CDH23: variants seen among roughly 807,000 people sequenced by gnomAD.
The protein encoded by CDH23 is cadherin related 23, also known as cadherin-23.
CDH23 carries 189 observed loss-of-function variants against 317.1 expected under a neutral mutation model. The ratio of observed to expected loss-of-function variants is 0.60; its 90% CI spans 0.53 to 0.67. The LOEUF is 0.67. CDH23 is among the 30% of genes least tolerant of loss of function. CDH23 has a pLI of 0.00. For missense variants in CDH23, 4,401 were observed against 4,592.4 expected, an observed-to-expected ratio of 0.96 and a Z score of 1.20; for synonymous variants, 1,839 against 1,876.8, an observed-to-expected ratio of 0.98 and a Z score of 0.52.
chr10:71,797,725 C>A (rs1841440147), intron 49 of CDH23, among the ~76,000 whole-genome samples: 1 of 152,198 alleles, frequency 6.6e-6, no homozygotes, highest in Non-Finnish European at 1.5e-5. Flanking sequence ...CCCAGTGTTA[C>A]CTTCTGCCAA....
intron 28 of CDH23, among the ~76,000 whole-genome samples, chr10:71,719,085 T>TA (rs1177825240): frequency 1.3e-5 from 2 of 150,628 alleles, no homozygotes; most frequent in East Asian, 3.9e-4. Flanking sequence ...CTCAAAAAAA[T>TA]AAAAAATAAA....
At chr10:71,764,274 G>A (rs1840473873) in intron 38 of CDH23, among the ~76,000 whole-genome samples, 2 of 152,252 alleles carry the variant, frequency 1.3e-5, no homozygotes, top group South Asian at 4.1e-4. Flanking sequence ...ATGCCATAAG[G>A]TATTGTTTTT....
intron 11 of CDH23, among the ~76,000 whole-genome samples, chr10:71,637,276 C>T (rs200441062): frequency 6.6e-6 from 1 of 152,108 alleles, no homozygotes; most frequent in Non-Finnish European, 1.5e-5. Flanking sequence ...TGGTGGGTCC[C>T]GTCACCCAAG....
At chr10:71,706,813 G>A in intron 25 of CDH23, 84 bp from the exon 26 acceptor site, 1 of 1,507,048 alleles carries the variant, frequency 6.6e-7, no homozygotes, top group Non-Finnish European at 8.9e-7. Flanking sequence ...TCCCTACTTG[G>A]TCTGGTGCTG....
At chr10:71,598,325 G>C (rs1222437994) in intron 9 of CDH23, among the ~76,000 whole-genome samples, 1 of 152,248 alleles carries the variant, frequency 6.6e-6, no homozygotes, top group African/African-American at 2.4e-5. Context: ...GCAGTGCCAA[G>C]AGCTTCCTCC....
At chr10:71,690,366 C>G in intron 19 of CDH23, 102 bp from the exon 20 acceptor site, 1 of 776,292 alleles carries the variant, frequency 1.3e-6, no homozygotes, top group Non-Finnish European at 2.1e-6. Context: ...GTCCCACGTC[C>G]TCCTCTTGGG....
chr10:71,626,791 A>T (rs1861755824), intron 11 of CDH23, among the ~76,000 whole-genome samples: 1 of 152,204 alleles, frequency 6.6e-6, no homozygotes, highest in Admixed American at 6.5e-5. Flanking sequence ...TTTCTCCTCC[A>T]TGAAGGTGGT....
At chr10:71,663,817 C>T (rs1186044358) in intron 14 of CDH23, among the ~76,000 whole-genome samples, 1 of 152,034 alleles carries the variant, frequency 6.6e-6, no homozygotes, top group African/African-American at 2.4e-5. Context: ...TGGAATGTGA[C>T]CCCTGTGTCT....
At chr10:71,700,765 C>A (rs10999962) in intron 22 of CDH23, among the ~76,000 whole-genome samples, 1 of 151,946 alleles carries the variant, frequency 6.6e-6, no homozygotes, top group South Asian at 2.1e-4. Flanking sequence ...ATTCAGCCCT[C>A]CATCAGCCTC....
chr10:71,751,194 C>T lies in CDH23; in HGVS notation c.4845+9273C>T, dbSNP rs376722288. 784 of 1,570,884 alleles carry T rather than the reference C, an allele frequency of 5.0e-4. 3 individuals carry two copies. The African/African-American group carries it at 8.1e-3, about 16-fold the overall frequency. ...AAGGAGGCCACTCACAGAGCCAGCCCTGGCTCAAATGCACCTGCCCCAGAC... is the reference window on the plus strand; with the variant it reads ...AAGGAGGCCACTCACAGAGCCAGCCTTGGCTCAAATGCACCTGCCCCAGAC... On this transcript the variant is annotated intron_variant, in intron 38 of 69. Coordinates refer to ENST00000224721, the MANE Select transcript of CDH23 (RefSeq NM_022124.6). This position sits in a 1 kb window ranked among gnomAD's most constrained non-coding sequence, Gnocchi z 4.9.
chr10:71,671,656 T>C (rs1864152839), intron 14 of CDH23, among the ~76,000 whole-genome samples: 1 of 151,800 alleles, frequency 6.6e-6, no homozygotes, highest in Non-Finnish European at 1.5e-5. Context: ...GCTGCCTGGA[T>C]AGGGCAGGAT....
At chr10:71,545,532 C>A (rs901247055) in intron 6 of CDH23, among the ~76,000 whole-genome samples, 2 of 152,180 alleles carry the variant, frequency 1.3e-5, no homozygotes, top group Non-Finnish European at 2.9e-5. Context: ...GCTTTAGATG[C>A]CACATACCAT....
intron 42 of CDH23, among the ~76,000 whole-genome samples, chr10:71,784,622 G>C (rs1247894903): frequency 6.6e-6 from 1 of 152,136 alleles, no homozygotes; most frequent in East Asian, 1.9e-4. Flanking sequence ...GCGCCCCTCT[G>C]CACCCAACCC....
intron 19 of CDH23, among the ~76,000 whole-genome samples, chr10:71,688,619 G>C (rs1215269164): frequency 2.8e-5 from 4 of 143,798 alleles, no homozygotes; most frequent in Non-Finnish European, 3.1e-5. Context: ...AGCCAGGGGT[G>C]GTGGAGCCAG....
chr10:71,416,302 G>A (rs1456329292), intron 1 of CDH23, among the ~76,000 whole-genome samples: 1 of 152,164 alleles, frequency 6.6e-6, no homozygotes, highest in East Asian at 1.9e-4. Flanking sequence ...TGGGATTACA[G>A]GCATAAGCCA....
At chr10:71,570,031 G>T (rs770328419) in intron 7 of CDH23, among the ~76,000 whole-genome samples, 7 of 152,114 alleles carry the variant, frequency 4.6e-5, no homozygotes, top group Non-Finnish European at 7.3e-5. Context: ...CTCCTGAGCA[G>T]CTGGGACTAC....
chr10:71,561,832 G>A (rs1857146804), intron 6 of CDH23, among the ~76,000 whole-genome samples: 5 of 152,124 alleles, frequency 3.3e-5, no homozygotes, highest in Admixed American at 3.3e-4. Flanking sequence ...GGGAGTAGGT[G>A]GGACTGGGCA....
chr10:71,459,663 C>G (rs1850880478), intron 3 of CDH23, among the ~76,000 whole-genome samples: 4 of 152,178 alleles, frequency 2.6e-5, no homozygotes, highest in Admixed American at 2.0e-4. Context: ...CCAGGAATCC[C>G]CTTAATGCAG....
intron 6 of CDH23, among the ~76,000 whole-genome samples, chr10:71,548,632 G>A (rs768277564): frequency 4.6e-5 from 7 of 152,236 alleles, no homozygotes; most frequent in Non-Finnish European, 1.0e-4. Flanking sequence ...GGGGCACTGT[G>A]TACACACAGA....
Sources: gnomAD v4.1 joint callset for allele counts (sites outside exome capture counted in the v4.1 genomes callset) on GRCh38, gnomAD v4.1.1 for gene constraint, Gnocchi (gnomAD v3.1) non-coding constraint, MANE v1.5 for transcripts, NCBI Gene and HGNC (gene_info 2026-07-23, HGNC 2026-07-21) for gene names.